Variants in SH3RF1 observed in about 807,000 individuals in gnomAD.
SH3RF1 encodes SH3 domain containing ring finger 1.
A neutral mutation model predicts 74.0 loss-of-function variants in SH3RF1; 32 were observed. The ratio of observed to expected loss-of-function variants is 0.43; its 90% confidence interval spans 0.33 to 0.58. The LOEUF (loss-of-function observed/expected upper bound fraction) is 0.58, where lower values mean the gene tolerates loss of function less well. SH3RF1 is among the 20% of genes least tolerant of loss of function. SH3RF1 has a pLI of 0.05. For missense variants in SH3RF1, 954 were observed against 1,130.9 expected (o/e 0.84, Z 2.24); for synonymous variants, 396 against 439.6 (o/e 0.90, Z 1.24).
chr4:169,100,394 T>C (rs1392895939), intron 11 of SH3RF1, among the ~76,000 whole-genome samples: 1 of 152,072 alleles, frequency 6.6e-6, no homozygotes, highest in Non-Finnish European at 1.5e-5. Context: ...CAGGCTAGAG[T>C]GCAATGGCAC....
intron 6 of SH3RF1, among the ~76,000 whole-genome samples, chr4:169,126,856 G>T (rs1456635960): frequency 1.3e-5 from 2 of 152,160 alleles, no homozygotes; most frequent in Non-Finnish European, 2.9e-5. Flanking sequence ...CTCCCAAAGT[G>T]CTGGGATTAT....
At position 169,095,973 on chromosome 4, in the gene SH3RF1, T is replaced by C. The variant is rs904546566; in HGVS notation, c.*546A>G. The C allele has an allele frequency of 6.6e-5, 10 of 152,184 alleles. No individual in the cohort carries two copies. Among genetic ancestry groups the C allele is most frequent in the African/African-American group, 2.4e-4 (10 of 41,428 alleles). 9.4% of individuals were successfully genotyped at this position (152,184 alleles called of 1,614,324 possible). A position where few individuals can be genotyped will look rare whatever the true frequency, so the allele number is the denominator to read the frequency against. On this transcript the variant is annotated 3_prime_UTR_variant, in exon 12 of 12. Transcript: ENST00000284637. ...GGTTTCCCAAAGAAGAAAACCAAAT[T>C]AGAGAACTGGGATTTCTATCTTAAA...
intron 2 of SH3RF1, among the ~76,000 whole-genome samples, chr4:169,252,305 C>G (rs1454702393): frequency 6.6e-6 from 1 of 152,220 alleles, no homozygotes; most frequent in Admixed American, 6.5e-5. Flanking sequence ...TATTACTTCT[C>G]TCTTTCAAGA....
chr4:169,255,614 T>TACACACACACACACAC (rs1192993515), intron 2 of SH3RF1, among the ~76,000 whole-genome samples: 2 of 59,076 alleles, frequency 3.4e-5, no homozygotes, highest in South Asian at 7.1e-4. Flanking sequence ...CACACATACA[T>TACACACACACACACAC]ACACACATAC....
intron 2 of SH3RF1, among the ~76,000 whole-genome samples, chr4:169,243,711 A>G (rs374513980): frequency 1.3e-5 from 2 of 152,194 alleles, no homozygotes; most frequent in Admixed American, 6.5e-5. Context: ...TCTGTCCTCA[A>G]CAGATTCTTG....
intron 2 of SH3RF1, among the ~76,000 whole-genome samples, 177 bp downstream of exon 2, chr4:169,268,643 A>C (rs1372175298): frequency 6.6e-6 from 1 of 152,210 alleles, no homozygotes; most frequent in Non-Finnish European, 1.5e-5. Flanking sequence ...TTTATTATTT[A>C]TATCCAATCT....
intron 2 of SH3RF1, among the ~76,000 whole-genome samples, chr4:169,253,203 C>T (rs1731132565): frequency 1.3e-5 from 2 of 152,206 alleles, no homozygotes. Flanking sequence ...CAGCGTGGCA[C>T]ATTTCTAAAG....
At chr4:169,268,729 AG>A in intron 2 of SH3RF1, 90 bp downstream of exon 2, 2 of 1,392,802 alleles carry the variant, frequency 1.4e-6, no homozygotes, top group Non-Finnish European at 1.9e-6. Context: ...CTAAGCAATG[AG>A]TTGACTTCGA....
intron 4 of SH3RF1, among the ~76,000 whole-genome samples, chr4:169,154,204 G>C (rs1734016548): frequency 6.6e-6 from 1 of 152,028 alleles, no homozygotes; most frequent in Non-Finnish European, 1.5e-5. Context: ...TTTTTCTGTT[G>C]TTTGCTTTCA....
chr4:169,224,381 G>A (rs541827737), intron 2 of SH3RF1, among the ~76,000 whole-genome samples: 23 of 151,132 alleles, frequency 1.5e-4, no homozygotes, highest in African/African-American at 5.1e-4. Context: ...GCAATGGTGC[G>A]ATCTTGGCTC....
chr4:169,140,677 C>G (rs1733769939), intron 4 of SH3RF1, among the ~76,000 whole-genome samples: 1 of 152,090 alleles, frequency 6.6e-6, no homozygotes, highest in Non-Finnish European at 1.5e-5. Flanking sequence ...TGTATGGTTG[C>G]CCTCTTTGCT....
intron 2 of SH3RF1, among the ~76,000 whole-genome samples, chr4:169,199,095 T>C (rs1252198811): frequency 6.6e-6 from 1 of 152,096 alleles, no homozygotes; most frequent in Non-Finnish European, 1.5e-5. Context: ...AATACAATAA[T>C]AAAGTCTAGG....
chr4:169,233,332 T>C (rs2127008460), intron 2 of SH3RF1, among the ~76,000 whole-genome samples: 1 of 151,862 alleles, frequency 6.6e-6, no homozygotes, highest in South Asian at 2.1e-4. Flanking sequence ...AACATTCCGG[T>C]TATCTGGAAG....
At chr4:169,195,988 A>G (rs1734804109) in intron 2 of SH3RF1, among the ~76,000 whole-genome samples, 1 of 151,952 alleles carries the variant, frequency 6.6e-6, no homozygotes, top group African/African-American at 2.4e-5. Flanking sequence ...TAATTTTTAT[A>G]TTTTTAGTAG....
intron 2 of SH3RF1, among the ~76,000 whole-genome samples, chr4:169,236,347 G>T (rs1166481141): frequency 1.3e-5 from 2 of 152,180 alleles, no homozygotes; most frequent in Admixed American, 1.3e-4. Flanking sequence ...GCCTTTGTCG[G>T]CTGGGTCTCT....
At chr4:169,162,348 G>A (rs1734162548) in intron 2 of SH3RF1, among the ~76,000 whole-genome samples, 1 of 152,024 alleles carries the variant, frequency 6.6e-6, no homozygotes, top group Non-Finnish European at 1.5e-5. Flanking sequence ...ATATGATTTG[G>A]CCATCACTAC....
chr4:169,270,156 C>CG (rs1305826572), intron 1 of SH3RF1, among the ~76,000 whole-genome samples: 1 of 152,246 alleles, frequency 6.6e-6, no homozygotes, highest in Non-Finnish European at 1.5e-5. Flanking sequence ...CCCAGGAGAA[C>CG]GGGAGTAAAA....
intron 10 of SH3RF1, among the ~76,000 whole-genome samples, chr4:169,110,165 A>C (rs1733216632): frequency 1.3e-5 from 2 of 151,976 alleles, no homozygotes; most frequent in Non-Finnish European, 2.9e-5. Context: ...GCTTGAGCCC[A>C]GGAGTTGAGA....
intron 5 of SH3RF1, among the ~76,000 whole-genome samples, chr4:169,133,114 T>C (rs1733645038): frequency 6.6e-6 from 1 of 152,094 alleles, no homozygotes; most frequent in African/African-American, 2.4e-5. Flanking sequence ...AACCAGGGCA[T>C]AAGGACCCAC....
Sources: allele counts gnomAD v4.1 joint callset (sites outside exome capture counted in the v4.1 genomes callset), GRCh38; gene constraint gnomAD v4.1.1; transcripts MANE v1.5; gene names NCBI Gene and HGNC (gene_info 2026-07-23, HGNC 2026-07-21).